SPEN: variants seen among roughly 807,000 people sequenced by gnomAD.
SPEN encodes msx2-interacting protein.
SPEN carries 18 observed loss-of-function variants against 269.9 expected under a neutral mutation model. That is an observed-to-expected ratio of 0.07 (90% CI 0.05 to 0.10). SPEN has a LOEUF of 0.10. SPEN is among the 10% of genes least tolerant of loss of function. The pLI is 1.00. For missense variants in SPEN, 3,822 were observed against 4,631.2 expected (o/e 0.83, Z 5.07); for synonymous variants, 1,726 against 1,765.7 (o/e 0.98, Z 0.56).
chr1:15,867,711 C>A (rs2070528739), intron 1 of SPEN, among the ~76,000 whole-genome samples: 1 of 146,792 alleles, frequency 6.8e-6, no homozygotes, highest in Non-Finnish European at 1.5e-5. Flanking sequence ...GTTGTCATTG[C>A]CTTTTTTTTT....
chr1:15,936,003 C>T lies in SPEN; in HGVS notation c.9763C>T (p.Pro3255Ser). ...PTPAPVPVPV[P>S]LPAPAPAPHG... ...CCCTGCCCCCGTCCCTGTCCCTGTC[C>T]CCCTTCCTGCCCCTGCTCCTGCCCC... is the stretch of plus-strand genomic sequence containing the variant. Residue 3255 changes from proline (P) to serine (S), a missense_variant, in exon 11 of 15, where the codon CCC becomes TCC. This residue lies in a region of SPEN where 359 missense variants were observed against 377.3 expected (regional missense o/e 0.95). Transcript: ENST00000375759. The T allele has an allele frequency of 6.9e-7, 1 of 1,459,278 alleles. No individual in the cohort carries two copies. The highest frequency in any genetic ancestry group is 1.2e-5 in the South Asian group (1 of 85,716). The allele number at this position is 1,459,278 out of a possible 1,614,324, so 90.4% of individuals were successfully genotyped here.
At chr1:15,861,012 C>G (rs1015337257) in intron 1 of SPEN, among the ~76,000 whole-genome samples, 1 of 152,142 alleles carries the variant, frequency 6.6e-6, no homozygotes, top group African/African-American at 2.4e-5. Context: ...TCAATTGATT[C>G]TGCCACCTCA....
chr1:15,854,672 CGG>C, intron 1 of SPEN, among the ~76,000 whole-genome samples: 1 of 151,922 alleles, frequency 6.6e-6, no homozygotes, highest in East Asian at 1.9e-4. Flanking sequence ...TTAGTAGAGA[CGG>C]GGTTTCTCTG....
chr1:15,873,657 A>G, intron 2 of SPEN: 1 of 996,758 alleles, frequency 1.0e-6, no homozygotes, highest in Non-Finnish European at 1.2e-6. Context: ...TTCTACAAAC[A>G]ATACTTTAAC....
In SPEN at chr1:15,848,479, T is replaced by C. The variant is rs932816951; in HGVS notation, c.83+329T>C. Among the ~76,000 whole-genome samples the C allele has an allele frequency of 1.3e-5, 2 of 151,702 alleles. No individual in the cohort carries two copies. The highest frequency in any genetic ancestry group is 2.9e-5 in the Non-Finnish European group (2 of 67,888). On this transcript the variant is annotated intron_variant, in intron 1 of 14. Coordinates refer to ENST00000375759, the MANE Select transcript of SPEN (RefSeq NM_015001.3). The surrounding 1 kb of genome is among the most constrained non-coding windows in gnomAD (Gnocchi z 5.1). ...CGTCAGCCCGGGAGTCGGTGGGAGA[T>C]GCGCTGGGCGGCGGGGTCGCGTCCT...
At chr1:15,868,968 T>C (rs1290495795) in intron 1 of SPEN, among the ~76,000 whole-genome samples, 1 of 152,198 alleles carries the variant, frequency 6.6e-6, no homozygotes, top group African/African-American at 2.4e-5. Context: ...TGTTGAAATA[T>C]GGGGATATCA....
In SPEN at chr1:15,932,988, C is replaced by T. The variant is rs771038320; in HGVS notation, c.6748C>T (p.Pro2250Ser). 3 of 1,614,200 alleles carry T rather than the reference C, an allele frequency of 1.9e-6. No individual in the cohort carries two copies. Among genetic ancestry groups the T allele is most frequent in the Non-Finnish European group, 2.5e-6 (3 of 1,180,024 alleles). The stretch of plus-strand genomic sequence containing the variant: ...AGAATCCCAGACAGATCTGCAACCC[C>T]CCGCAGGTGCACAGGCGCTGCAGCC... ...PGESQTDLQPPAGAQALQPSE... is the reference protein window; with the variant it reads ...PGESQTDLQPSAGAQALQPSE... The change falls in exon 11 of 15, where the codon CCC becomes TCC. Residue 2250 changes from proline (P) to serine (S), a missense_variant. Physicochemically the swap from Pro to Ser is moderately conservative, Grantham distance 74 (BLOSUM62 -1). Coordinates refer to ENST00000375759, the MANE Select transcript of SPEN (RefSeq NM_015001.3). This position sits in a 1 kb window ranked among gnomAD's most constrained non-coding sequence, Gnocchi z 4.2.
intron 11 of SPEN, among the ~76,000 whole-genome samples, chr1:15,936,888 C>CT (rs1175307411): frequency 1.3e-5 from 2 of 152,134 alleles, no homozygotes; most frequent in Non-Finnish European, 2.9e-5. Context: ...TTTCTTAGTT[C>CT]TGAGATGAAA....
In SPEN at chr1:15,848,709, C is replaced by T. The variant is rs1353601734; in HGVS notation, c.83+559C>T. 6.6e-6 allele frequency among the ~76,000 whole-genome samples: 1 copy of T among 152,246 alleles called. No homozygotes were observed. The highest frequency in any genetic ancestry group is 1.5e-5 in the Non-Finnish European group (1 of 68,038). ...GACCCGGAGAGACCATCTAGGACCT[C>T]TCCGGAGGATTTGCAGCCTTGAAAC... On this transcript the variant is annotated intron_variant, in intron 1 of 14. Coordinates refer to ENST00000375759, the MANE Select transcript of SPEN (RefSeq NM_015001.3). This position sits in a 1 kb window ranked among gnomAD's most constrained non-coding sequence, Gnocchi z 5.1.
intron 5 of SPEN, among the ~76,000 whole-genome samples, chr1:15,912,604 T>C (rs1167966446): frequency 6.6e-6 from 1 of 152,168 alleles, no homozygotes; most frequent in Non-Finnish European, 1.5e-5. Context: ...CACTGCAAAA[T>C]GGTCACTCTG....
chr1:15,931,739 G>C lies in SPEN; in HGVS notation c.5499G>C (p.Val1833=), dbSNP rs756069223. The part of the protein sequence containing the change: ...RSKTPVQAAA[V]SIVEKPVTRK... ...AGACCCCTGTTCAGGCAGCTGCAGTGAGTATCGTGGAGAAGCCCGTCACAA... is the reference window on the plus strand; with the variant it reads ...AGACCCCTGTTCAGGCAGCTGCAGTCAGTATCGTGGAGAAGCCCGTCACAA... The change falls in exon 11 of 15, where the codon GTG becomes GTC. Residue 1833 remains valine, a synonymous_variant. Coordinates refer to ENST00000375759, the MANE Select transcript of SPEN (RefSeq NM_015001.3). This position sits in a 1 kb window ranked among gnomAD's most constrained non-coding sequence, Gnocchi z 4.8. 25 of 1,614,166 alleles carry C rather than the reference G, an allele frequency of 1.5e-5. No homozygotes were observed. The highest frequency in any genetic ancestry group is 2.0e-5 in the Non-Finnish European group (24 of 1,180,010).
At chr1:15,919,978 T>C (rs2071102417) in intron 8 of SPEN, among the ~76,000 whole-genome samples, 1 of 151,960 alleles carries the variant, frequency 6.6e-6, no homozygotes, top group African/African-American at 2.4e-5. Flanking sequence ...CAATTCAGTG[T>C]GTGAAGGTAA....
Position 15,935,124 on chromosome 1 carries a change from G to A in SPEN, c.8884G>A (p.Asp2962Asn). The A allele has an allele frequency of 6.2e-7, 1 of 1,614,030 alleles. No homozygotes were observed. Among genetic ancestry groups the A allele is most frequent in the South Asian group, 1.1e-5 (1 of 91,076 alleles). Reference protein sequence around the residue: ...SIVTTNKKLADPVTLKIETKV... With the variant: ...SIVTTNKKLANPVTLKIETKV... Reference sequence around the variant, plus strand: ...TGTCACCACAAACAAGAAGCTTGCTGACCCCGTCACCCTTAAAATCGAGAC... The same window carrying A: ...TGTCACCACAAACAAGAAGCTTGCTAACCCCGTCACCCTTAAAATCGAGAC... Residue 2962 changes from aspartate (D) to asparagine (N), a missense_variant, in exon 11 of 15, where the codon GAC (aspartate) becomes AAC (asparagine). By Grantham distance (23) the Asp-to-Asn change is conservative. This residue lies in a region of SPEN where 20 missense variants were observed against 60.7 expected (regional missense o/e 0.33). Coordinates refer to ENST00000375759, the MANE Select transcript of SPEN (RefSeq NM_015001.3). The surrounding 1 kb of genome is among the most constrained non-coding windows in gnomAD (Gnocchi z 7.7).
chr1:15,858,788 A>G (rs1181753508), intron 1 of SPEN, among the ~76,000 whole-genome samples: 2 of 151,862 alleles, frequency 1.3e-5, no homozygotes, highest in Admixed American at 1.3e-4. Context: ...AAACAAACAA[A>G]CAAAAAAAAC....
intron 10 of SPEN, among the ~76,000 whole-genome samples, chr1:15,922,630 C>CTT (rs113116731): frequency 3.8e-4 from 57 of 149,602 alleles, no homozygotes; most frequent in Admixed American, 6.0e-4. Context: ...ACTTTATGTA[C>CTT]TTTTTTTTTT....
chr1:15,935,189 G>A lies in SPEN; in HGVS notation c.8949G>A (p.Thr2983=), dbSNP rs140859193. Residue 2983 remains threonine, a synonymous_variant, in exon 11 of 15, where the codon ACG becomes ACA. Coordinates refer to ENST00000375759, the MANE Select transcript of SPEN (RefSeq NM_015001.3). The surrounding 1 kb of genome is among the most constrained non-coding windows in gnomAD (Gnocchi z 7.7). ...LQPANLGSTL[T]PHHPPALPSK... is the part of the protein sequence containing the mutation. ...CGGCCAACCTGGGGTCCACGCTCAC[G>A]CCCCACCACCCTCCTGCTCTGCCCA... 3.3e-5 allele frequency: 54 copies of A among 1,613,766 alleles called. No homozygotes were observed. The African/African-American group carries it at 5.5e-4, about 16-fold the overall frequency.
intron 1 of SPEN, among the ~76,000 whole-genome samples, chr1:15,851,226 CAAAG>C (rs1369218389): frequency 2.6e-5 from 4 of 152,038 alleles, no homozygotes; most frequent in African/African-American, 9.7e-5. Context: ...TCCCCAGTGC[CAAAG>C]AAAGACCAAA....
intron 1 of SPEN, among the ~76,000 whole-genome samples, chr1:15,871,371 C>T (rs973872784): frequency 6.6e-6 from 1 of 152,134 alleles, no homozygotes; most frequent in Non-Finnish European, 1.5e-5. Context: ...GACTGAGTCT[C>T]GCTCTGTCAC....
At position 15,930,130 on chromosome 1, in the gene SPEN, A is replaced by G. The variant is rs530375321; in HGVS notation, c.3890A>G (p.Tyr1297Cys). The G allele has an allele frequency of 1.4e-5, 23 of 1,614,226 alleles. No homozygotes were observed. The highest frequency in any genetic ancestry group is 2.2e-5 in the East Asian group (1 of 44,876). The stretch of plus-strand genomic sequence containing the variant: ...AAAGTAGATGAAAAAGTCCTCCCCT[A>G]TTCTAACATAACAGTCAGGGAAGAG... ...SPKVDEKVLP[Y>C]SNITVREESL... Residue 1297 changes from tyrosine (Y) to cysteine (C), a missense_variant, in exon 11 of 15, where the codon TAT becomes TGT. Physicochemically the swap from Tyr to Cys is radical, Grantham distance 194 (BLOSUM62 -2). Around this residue, in one of 16 missense-constraint regions of SPEN, gnomAD observed 267 missense variants for 315.5 expected, o/e 0.85. Transcript: ENST00000375759. The surrounding 1 kb of genome is among the most constrained non-coding windows in gnomAD (Gnocchi z 5.3).
Sources: gnomAD v4.1 joint callset for allele counts (sites outside exome capture counted in the v4.1 genomes callset) on GRCh38, gnomAD v4.1.1 for gene constraint, gnomAD v4.1.1 regional missense constraint, Gnocchi (gnomAD v3.1) non-coding constraint, MANE v1.5 for transcripts, NCBI Gene and HGNC (gene_info 2026-07-23, HGNC 2026-07-21) for gene names.